The following SLIT3 variants were observed in gnomAD, a reference collection of about 807,000 sequenced individuals.
SLIT3 encodes the protein slit guidance ligand 3, also known as slit homolog 3 protein.
Under a neutral mutation model 184.0 loss-of-function variants are expected in SLIT3, and 68 were observed. That is an observed-to-expected ratio of 0.37 (90% CI 0.30 to 0.45). The LOEUF (loss-of-function observed/expected upper bound fraction) is 0.45. Among genes scored for constraint, SLIT3 ranks in the 20% least tolerant of loss-of-function variants. The pLI is 1.00. For missense variants in SLIT3, 1,707 were observed against 2,026.0 expected, an observed-to-expected ratio of 0.84 and a Z score of 3.02; for synonymous variants, 831 against 828.6, an observed-to-expected ratio of 1.00 and a Z score of -0.05.
chr5:168,762,988 T>C (rs917855757), intron 14 of SLIT3, among the ~76,000 whole-genome samples: 5 of 152,132 alleles, frequency 3.3e-5, no homozygotes, highest in African/African-American at 1.2e-4. Flanking sequence ...GAGAAGCTGA[T>C]GAAAGTTATG....
At position 169,005,954 on chromosome 5, in the gene SLIT3, C is replaced by T. The variant is rs116568443; in HGVS notation, c.414-122618G>A. On this transcript the variant is annotated intron_variant, in intron 4 of 35. Coordinates refer to ENST00000519560, the MANE Select transcript of SLIT3 (RefSeq NM_003062.4). The stretch of plus-strand genomic sequence containing the variant: ...AAGTTTATACTTTCCCCAAAATGCC[C>T]ATAGAAAATTCAACAGGTATTTGCT... Among the ~76,000 whole-genome samples, 1,167 of 152,366 alleles carry T rather than the reference C, an allele frequency of 7.7e-3. 12 individuals carry two copies. The highest frequency in any genetic ancestry group is 0.027 in the African/African-American group (1,125 of 41,580).
In SLIT3 at chr5:168,722,941, G is replaced by A. The variant is rs1762989981; in HGVS notation, c.2403C>T (p.Leu801=). 1 of 1,612,178 alleles carries A rather than the reference G, an allele frequency of 6.2e-7. No homozygotes were observed. The highest frequency in any genetic ancestry group is 1.1e-5 in the South Asian group (1 of 91,034). The change falls in exon 22 of 36, where the codon CTC becomes CTT. Residue 801 remains leucine, a synonymous_variant. Transcript: ENST00000519560. The part of the protein sequence containing the change: ...TNYTFSNMSH[L]STLILSYNRL... The stretch of plus-strand genomic sequence containing the variant: ...CATCTCAGTGTACTCACAGAGTGGA[G>A]AGGTGAGACATGTTACTGAAGGTGT...
intron 4 of SLIT3, among the ~76,000 whole-genome samples, chr5:168,923,204 C>A (rs186163505): frequency 6.6e-6 from 1 of 152,272 alleles, no homozygotes; most frequent in East Asian, 1.9e-4. Flanking sequence ...TAACAAACCA[C>A]AGGATGGCAG....
intron 32 of SLIT3, among the ~76,000 whole-genome samples, chr5:168,681,579 C>T (rs2113213244): frequency 6.6e-6 from 1 of 152,318 alleles, no homozygotes; most frequent in African/African-American, 2.4e-5. Flanking sequence ...AAGACAGAGC[C>T]TGGTGTCTCT....
At chr5:168,808,587 ATTGT>A (rs1263440042) in intron 8 of SLIT3, among the ~76,000 whole-genome samples, 2 of 152,178 alleles carry the variant, frequency 1.3e-5, no homozygotes, top group East Asian at 1.9e-4. Context: ...TCTGCTACAA[ATTGT>A]TTGTAAGACT....
chr5:168,734,271 C>A (rs1763369828), intron 20 of SLIT3, among the ~76,000 whole-genome samples: 1 of 152,242 alleles, frequency 6.6e-6, no homozygotes, highest in Non-Finnish European at 1.5e-5. Context: ...AACAACCGAG[C>A]ACCACAGCCT....
At chr5:168,787,951 G>A (rs1369104595) in intron 11 of SLIT3, among the ~76,000 whole-genome samples, 5 of 151,686 alleles carry the variant, frequency 3.3e-5, no homozygotes, top group African/African-American at 1.2e-4. Flanking sequence ...TACACAGTAG[G>A]CATCTACTGC....
At chr5:168,874,425 G>A (rs1002049794) in intron 5 of SLIT3, among the ~76,000 whole-genome samples, 1 of 152,102 alleles carries the variant, frequency 6.6e-6, no homozygotes, top group Non-Finnish European at 1.5e-5. Flanking sequence ...ATTGTTTATT[G>A]AGCATTACAT....
At chr5:168,807,499 G>C (rs369743541) in intron 8 of SLIT3, among the ~76,000 whole-genome samples, 1 of 152,136 alleles carries the variant, frequency 6.6e-6, no homozygotes, top group South Asian at 2.1e-4. Flanking sequence ...TCCAAATGTG[G>C]ATTTTTTGGT....
intron 4 of SLIT3, among the ~76,000 whole-genome samples, chr5:169,156,132 G>T (rs1329041564): frequency 6.6e-6 from 1 of 152,282 alleles, no homozygotes. Context: ...GAAACATTCT[G>T]CAGAATGTCA....
At chr5:169,202,659 CTA>C (rs1763938643) in intron 3 of SLIT3, among the ~76,000 whole-genome samples, 1 of 151,926 alleles carries the variant, frequency 6.6e-6, no homozygotes, top group South Asian at 2.1e-4. Flanking sequence ...CAGAAGAAGG[CTA>C]TGAGAGTCTC....
At chr5:169,190,311 A>G (rs57635074) in intron 4 of SLIT3, among the ~76,000 whole-genome samples, 1,886 of 152,338 alleles carry the variant, frequency 0.012, 52 homozygotes, top group African/African-American at 0.043. Flanking sequence ...TTAGCTCACA[A>G]ACAAGTCCAC....
intron 4 of SLIT3, among the ~76,000 whole-genome samples, chr5:169,092,431 A>G (rs187752832): frequency 6.6e-6 from 1 of 152,234 alleles, no homozygotes; most frequent in East Asian, 1.9e-4. Context: ...ATTCCATTGT[A>G]TTCCATCCCA....
intron 4 of SLIT3, among the ~76,000 whole-genome samples, chr5:168,998,073 G>C (rs1434874879): frequency 6.6e-6 from 1 of 151,966 alleles, no homozygotes; most frequent in Non-Finnish European, 1.5e-5. Context: ...ATAATAAACT[G>C]TGGGAGTCAC....
At chr5:169,268,667 C>T (rs921319694) in intron 1 of SLIT3, among the ~76,000 whole-genome samples, 9 of 152,244 alleles carry the variant, frequency 5.9e-5, no homozygotes, top group Non-Finnish European at 1.3e-4. Context: ...AGTTTCATTA[C>T]TACTCGTGTG....
chr5:169,060,278 G>A (rs532807006), intron 4 of SLIT3, among the ~76,000 whole-genome samples: 1 of 152,284 alleles, frequency 6.6e-6, no homozygotes, highest in Admixed American at 6.5e-5. Context: ...TGTAGTCCCA[G>A]CTACTTGGGA....
chr5:168,820,367 G>A (rs919583745), intron 7 of SLIT3, among the ~76,000 whole-genome samples: 1 of 152,144 alleles, frequency 6.6e-6, no homozygotes, highest in Non-Finnish European at 1.5e-5. Flanking sequence ...CACTGGCTCC[G>A]TGCTTTCTGA....
At chr5:169,281,447 G>A (rs948958179) in intron 1 of SLIT3, among the ~76,000 whole-genome samples, 2 of 152,202 alleles carry the variant, frequency 1.3e-5, no homozygotes, top group Non-Finnish European at 2.9e-5. Context: ...CTGCACTCCA[G>A]CATGGCAACA....
At chr5:168,698,774 C>G (rs1305374960) in intron 27 of SLIT3, among the ~76,000 whole-genome samples, 1 of 152,172 alleles carries the variant, frequency 6.6e-6, no homozygotes, top group East Asian at 1.9e-4. Context: ...ACGAGCTCTC[C>G]CATCCCTAGT....
Sources: allele counts gnomAD v4.1 joint callset (sites outside exome capture counted in the v4.1 genomes callset), GRCh38; gene constraint gnomAD v4.1.1; transcripts MANE v1.5; gene names NCBI Gene and HGNC (gene_info 2026-07-23, HGNC 2026-07-21).